Variants in DOCK8 observed in about 807,000 individuals in gnomAD.
DOCK8 encodes dedicator of cytokinesis protein 8.
DOCK8 carries 141 observed loss-of-function variants against 245.6 expected under a neutral mutation model. That is an observed-to-expected ratio of 0.57 (90% CI 0.50 to 0.66). The LOEUF (loss-of-function observed/expected upper bound fraction) is 0.66. Among genes scored for constraint, DOCK8 ranks in the 30% least tolerant of loss-of-function variants. DOCK8 has a pLI of 0.00. For synonymous variants in DOCK8, 1,168 were observed against 970.2 expected, an observed-to-expected ratio of 1.20 and a Z score of -3.79; for missense variants, 2,965 against 2,603.4, an observed-to-expected ratio of 1.14 and a Z score of -3.02.
In DOCK8 at chr9:433,888, T is replaced by C. The variant is rs756302499; in HGVS notation, c.4799T>C (p.Leu1600Pro). Residue 1600 changes from leucine to proline, a missense_variant, in exon 38 of 48, where the codon CTC becomes CCC. Around this residue, in one of 3 missense-constraint regions of DOCK8, gnomAD observed 2,825 missense variants for 2,453.5 expected, o/e 1.15. Coordinates refer to ENST00000432829, the MANE Select transcript of DOCK8 (RefSeq NM_203447.4). ...CACTTTTTGCAGGTGGAGGAACTTCTCTGTAATCTGAATAGCATCTTATAT... is the reference window on the plus strand; with the variant it reads ...CACTTTTTGCAGGTGGAGGAACTTCCCTGTAATCTGAATAGCATCTTATAT... ...TPFPTQVEEL[L>P]CNLNSILYDT... The C allele has an allele frequency of 1.2e-6, 2 of 1,614,018 alleles. No individual in the cohort carries two copies.
intron 1 of DOCK8, among the ~76,000 whole-genome samples, chr9:251,081 A>T (rs1021695406): frequency 6.6e-6 from 1 of 152,180 alleles, no homozygotes; most frequent in Non-Finnish European, 1.5e-5. Context: ...AATGTAGGAA[A>T]CATTTGACAA....
chr9:332,274 A>T (rs1432329082), intron 9 of DOCK8, 124 bp from the exon 10 acceptor site: 2 of 667,820 alleles, frequency 3.0e-6, no homozygotes, highest in Non-Finnish European at 5.3e-6. Flanking sequence ...ATAAAAAAAT[A>T]TGTATCACAG....
chr9:385,631 T>C (rs569314647), intron 22 of DOCK8, among the ~76,000 whole-genome samples: 1 of 152,304 alleles, frequency 6.6e-6, no homozygotes, highest in South Asian at 2.1e-4. Context: ...ATGAAAGTAT[T>C]TGTGGCACAA....
intron 9 of DOCK8, among the ~76,000 whole-genome samples, chr9:330,012 A>T (rs2050937078): frequency 6.6e-6 from 1 of 152,196 alleles, no homozygotes; most frequent in African/African-American, 2.4e-5. Context: ...AAATGGTGTT[A>T]AACTATTTAG....
In DOCK8 at chr9:347,715, AGTTG is replaced by A. The variant is rs755068894; in HGVS notation, c.1679+7395_1679+7398del. On this transcript the variant is annotated intron_variant, in intron 14 of 47. Transcript: ENST00000432829. ...AAAGACAAAGTGAATTTCTGGTGCT[AGTTG>A]CAACTTGGTCTCGATAATAAATCAG... Among the ~76,000 whole-genome samples the A allele has an allele frequency of 2.6e-5, 4 of 152,292 alleles. No individual in the cohort carries two copies. In the South Asian group the frequency reaches 8.3e-4, roughly 32 times the overall value.
At position 390,472 on chromosome 9, in the gene DOCK8, A is replaced by G; in HGVS notation, c.2876A>G (p.His959Arg). ...PAAPRPASKK[H>R]FHEELALQMV... The stretch of plus-strand genomic sequence containing the variant: ...CTAATTTTTGTGGTTCTTATTTAGC[A>G]TTTCCATGAGGAGCTTGCCCTTCAG... The change falls in exon 24 of 48, where the codon CAT becomes CGT. Residue 959 changes from histidine (H) to arginine (R), a missense_variant and splice_region_variant. This residue lies in a region of DOCK8 where 2,825 missense variants were observed against 2,453.5 expected (regional missense o/e 1.15). Coordinates refer to ENST00000432829, the MANE Select transcript of DOCK8 (RefSeq NM_203447.4). 1 of 1,614,124 alleles carries G rather than the reference A, an allele frequency of 6.2e-7. No individual in the cohort carries two copies. The highest frequency in any genetic ancestry group is 8.5e-7 in the Non-Finnish European group (1 of 1,179,936).
In DOCK8 at chr9:340,151, C is replaced by A; in HGVS notation, c.1517-8C>A. Reference sequence around the variant, plus strand: ...CTTTACTAGAACATTCCTATTTTCTCTCTTTAGGCTTGCTAAGACTGGAGA... The same window carrying A: ...CTTTACTAGAACATTCCTATTTTCTATCTTTAGGCTTGCTAAGACTGGAGA... On this transcript the variant is annotated splice_region_variant and splice_polypyrimidine_tract_variant and intron_variant, in intron 13 of 47. Coordinates refer to ENST00000432829, the MANE Select transcript of DOCK8 (RefSeq NM_203447.4). 1 of 1,613,910 alleles carries A rather than the reference C, an allele frequency of 6.2e-7. No individual in the cohort carries two copies. Among genetic ancestry groups the A allele is most frequent in the Non-Finnish European group, 8.5e-7 (1 of 1,179,844 alleles).
chr9:373,277 C>T lies in DOCK8; in HGVS notation c.2109+991C>T, dbSNP rs118154335. Among the ~76,000 whole-genome samples the T allele has an allele frequency of 2.6e-5, 4 of 152,314 alleles. No homozygotes were observed. The East Asian group carries it at 7.7e-4, about 29-fold the overall frequency. On this transcript the variant is annotated intron_variant, in intron 18 of 47. Coordinates refer to ENST00000432829, the MANE Select transcript of DOCK8 (RefSeq NM_203447.4). ...CTCAGTTCCTTGCATAGGTTTACAT[C>T]AATAAGTATTATTTTGAAGTAAATC...
intron 26 of DOCK8, among the ~76,000 whole-genome samples, chr9:399,773 T>TC (rs1564010804): frequency 6.6e-6 from 1 of 151,910 alleles, no homozygotes; most frequent in Non-Finnish European, 1.5e-5. Flanking sequence ...ATCAGTGCCA[T>TC]CCCCCCAGAT....
intron 44 of DOCK8, 39 bp from the exon 45 acceptor site, chr9:449,745 C>G (rs757622577): frequency 3.1e-6 from 5 of 1,611,822 alleles, no homozygotes. Flanking sequence ...GCTTATGAGA[C>G]CAGACAGTGA....
chr9:245,544 T>G (rs2047487031), intron 1 of DOCK8, among the ~76,000 whole-genome samples: 1 of 152,026 alleles, frequency 6.6e-6, no homozygotes, highest in Admixed American at 6.6e-5. Context: ...CTTAAAGCCC[T>G]CAGAATACAT....
At chr9:408,509 T>C (rs2055545694) in intron 28 of DOCK8, among the ~76,000 whole-genome samples, 1 of 152,210 alleles carries the variant, frequency 6.6e-6, no homozygotes, top group African/African-American at 2.4e-5. Flanking sequence ...TGTTCTACCC[T>C]ACAACTAACA....
intron 25 of DOCK8, among the ~76,000 whole-genome samples, chr9:397,607 T>A (rs2054524979): frequency 6.6e-6 from 1 of 151,198 alleles, no homozygotes; most frequent in African/African-American, 2.4e-5. Flanking sequence ...GAAGAATCGC[T>A]TGAGCCCAGG....
At chr9:316,989 T>C (rs2050374166) in intron 6 of DOCK8, 54 bp from the exon 7 acceptor site, 2 of 1,412,590 alleles carry the variant, frequency 1.4e-6, no homozygotes, top group African/African-American at 1.4e-5. Context: ...TAACTCTAAT[T>C]GGAGCTCCCC....
chr9:318,592 G>A (rs1219389417), intron 7 of DOCK8, among the ~76,000 whole-genome samples: 1 of 152,216 alleles, frequency 6.6e-6, no homozygotes, highest in African/African-American at 2.4e-5. Flanking sequence ...CCTCCCGCTG[G>A]CCAGTTCTAC....
intron 44 of DOCK8, among the ~76,000 whole-genome samples, chr9:447,188 T>C (rs1310857018): frequency 6.6e-6 from 1 of 152,168 alleles, no homozygotes; most frequent in East Asian, 1.9e-4. Flanking sequence ...CAGTACAAGA[T>C]TATACTCATT....
At chr9:424,194 G>C (rs976438636) in intron 33 of DOCK8, among the ~76,000 whole-genome samples, 4 of 150,146 alleles carry the variant, frequency 2.7e-5, no homozygotes, top group African/African-American at 5.0e-5. Flanking sequence ...TTTTGGCTCT[G>C]TTTCTTTTAG....
chr9:400,078 A>T (rs967400023), intron 26 of DOCK8, among the ~76,000 whole-genome samples: 15 of 108,516 alleles, frequency 1.4e-4, no homozygotes, highest in Non-Finnish European at 1.6e-4. Context: ...CATCACCATC[A>T]CCACCACCTC....
At chr9:369,064 C>G (rs1272177660) in intron 15 of DOCK8, 1 of 151,808 alleles carries the variant, frequency 6.6e-6, no homozygotes, top group Non-Finnish European at 1.5e-5. Context: ...CCTTGGCCTC[C>G]TAAAGTGCTG....
Sources: gnomAD v4.1 joint callset for allele counts (sites outside exome capture counted in the v4.1 genomes callset) on GRCh38, gnomAD v4.1.1 for gene constraint, gnomAD v4.1.1 regional missense constraint, MANE v1.5 for transcripts, NCBI Gene and HGNC (gene_info 2026-07-23, HGNC 2026-07-21) for gene names.